Variants in REPS1 observed in about 807,000 individuals in gnomAD.
REPS1 encodes the protein ralBP1-associated Eps domain-containing protein 1.
REPS1 carries 39 observed loss-of-function variants against 100.9 expected under a neutral mutation model. That is an observed-to-expected ratio of 0.39 (90% CI 0.30 to 0.50). The LOEUF is 0.50. REPS1 is among the 20% of genes least tolerant of loss of function. REPS1 has a pLI of 0.86. For missense variants in REPS1, 821 were observed against 968.5 expected (o/e 0.85, Z 2.02); for synonymous variants, 324 against 340.3 (o/e 0.95, Z 0.53).
chr6:138,963,074 C>T (rs1240467699), intron 1 of REPS1, among the ~76,000 whole-genome samples: 1 of 152,122 alleles, frequency 6.6e-6, no homozygotes, highest in Non-Finnish European at 1.5e-5. Context: ...ATTGGGCTAT[C>T]CTACCTCTGG....
At chr6:138,942,786 G>A (rs144217316) in intron 7 of REPS1, among the ~76,000 whole-genome samples, 5 of 152,046 alleles carry the variant, frequency 3.3e-5, no homozygotes, top group South Asian at 2.1e-4. Flanking sequence ...ACAGAATCTC[G>A]TTCTGTCACC....
intron 1 of REPS1, among the ~76,000 whole-genome samples, chr6:138,969,116 T>A (rs558624123): frequency 6.6e-6 from 1 of 152,028 alleles, no homozygotes; most frequent in Non-Finnish European, 1.5e-5. Flanking sequence ...TATAGAAACA[T>A]CTCATCAAAA....
intron 16 of REPS1, 122 bp from the exon 17 acceptor site, chr6:138,911,493 T>C (rs1780001744): frequency 7.0e-6 from 5 of 718,380 alleles, no homozygotes; most frequent in Non-Finnish European, 1.1e-5. Flanking sequence ...GAGATGATGA[T>C]AAGAAACTTG....
intron 1 of REPS1, among the ~76,000 whole-genome samples, chr6:138,957,068 C>T (rs961135174): frequency 6.6e-6 from 1 of 151,352 alleles, no homozygotes; most frequent in African/African-American, 2.4e-5. Flanking sequence ...CTAGAAGGAC[C>T]AAATTTTTAT....
chr6:138,907,691 G>A, intron 18 of REPS1, 91 bp from the exon 19 acceptor site: 1 of 790,446 alleles, frequency 1.3e-6, no homozygotes. Context: ...CTAAACATGA[G>A]AAGCAAAAAG....
At chr6:138,905,449 G>A (rs965107790) in intron 19 of REPS1, among the ~76,000 whole-genome samples, 10 of 147,036 alleles carry the variant, frequency 6.8e-5, no homozygotes, top group East Asian at 2.0e-4. Context: ...CCGCCACCGC[G>A]CCCGGCTAAT....
At chr6:138,987,451 G>T in intron 1 of REPS1, 79 bp downstream of exon 1, 1 of 1,346,308 alleles carries the variant, frequency 7.4e-7, no homozygotes, top group Non-Finnish European at 9.8e-7. Flanking sequence ...GGGCCCCAAG[G>T]AATCGGCGCC....
chr6:138,944,142 C>T (rs1188898), intron 5 of REPS1, 127 bp from the exon 6 acceptor site: 667,828 of 806,936 alleles, frequency 0.83, 277,651 homozygotes, highest in African/African-American at 0.93. Flanking sequence ...TAAAACCACA[C>T]ATCTGTTACA....
chr6:138,958,598 T>C (rs781530579), intron 1 of REPS1, among the ~76,000 whole-genome samples: 10 of 152,168 alleles, frequency 6.6e-5, no homozygotes, highest in African/African-American at 1.2e-4. Context: ...CAAAAGCATA[T>C]AGATTTTTGA....
intron 19 of REPS1, among the ~76,000 whole-genome samples, chr6:138,907,060 A>G (rs150934291): frequency 2.4e-3 from 373 of 152,266 alleles, no homozygotes; most frequent in Non-Finnish European, 4.0e-3. Flanking sequence ...CAGCATTTCT[A>G]TTTAAGGCTT....
chr6:138,971,414 T>C (rs755162968), intron 1 of REPS1, among the ~76,000 whole-genome samples: 6 of 152,048 alleles, frequency 3.9e-5, no homozygotes, highest in Admixed American at 3.3e-4. Context: ...CTTGTGGGCC[T>C]CCACTTGCAG....
At chr6:138,935,188 G>A (rs1348791358) in intron 8 of REPS1, among the ~76,000 whole-genome samples, 4 of 152,058 alleles carry the variant, frequency 2.6e-5, no homozygotes, top group Non-Finnish European at 4.4e-5. Flanking sequence ...GGTCTATGTA[G>A]AAAACTAATT....
At chr6:138,939,138 G>A (rs1782060555) in intron 8 of REPS1, among the ~76,000 whole-genome samples, 1 of 152,078 alleles carries the variant, frequency 6.6e-6, no homozygotes, top group Non-Finnish European at 1.5e-5. Flanking sequence ...AAAATGATAA[G>A]TTATATTACA....
intron 2 of REPS1, among the ~76,000 whole-genome samples, chr6:138,946,367 G>T (rs1411203759): frequency 6.6e-6 from 1 of 152,138 alleles, no homozygotes; most frequent in Non-Finnish European, 1.5e-5. Context: ...AAAGATGAAG[G>T]ACTGAGAAAC....
chr6:138,924,549 ATGAG>A (rs1200264050), intron 10 of REPS1, among the ~76,000 whole-genome samples: 2 of 69,020 alleles, frequency 2.9e-5, no homozygotes, highest in African/African-American at 6.0e-5. Flanking sequence ...TCATAATACT[ATGAG>A]TGATTATTGT....
At chr6:138,910,766 A>G (rs928548791) in intron 17 of REPS1, among the ~76,000 whole-genome samples, 55 of 152,232 alleles carry the variant, frequency 3.6e-4, no homozygotes, top group Admixed American at 5.9e-4. Flanking sequence ...GATGGCATGG[A>G]GAGATATGTA....
At chr6:138,981,556 C>T (rs1784953010) in intron 1 of REPS1, among the ~76,000 whole-genome samples, 1 of 152,196 alleles carries the variant, frequency 6.6e-6, no homozygotes, top group Admixed American at 6.5e-5. Context: ...TATATCTCCT[C>T]TTTGTATTCC....
At position 138,969,269 on chromosome 6, in the gene REPS1, A is replaced by ATTTTTTTTTT. The variant is rs71013004; in HGVS notation, c.153+18251_153+18260dup. Among the ~76,000 whole-genome samples the ATTTTTTTTTT allele has an allele frequency of 8.1e-4, 60 of 74,240 alleles. 2 individuals carry two copies. The highest frequency in any genetic ancestry group is 1.8e-3 in the African/African-American group (37 of 20,888). The allele number at this position is 74,240 out of a possible 152,430, so 48.7% of individuals were successfully genotyped here. On this transcript the variant is annotated intron_variant, in intron 1 of 19. Transcript: ENST00000450536. Reference sequence around the variant, plus strand: ...ACACAATCTATGATACAAAGCTGTAATTTTTTTTTTTTTTTTTTTTTTTTT... The same window carrying ATTTTTTTTTT: ...ACACAATCTATGATACAAAGCTGTAATTTTTTTTTTTTTTTTTTTTTTTTTTTTTTTTTTT...
intron 1 of REPS1, among the ~76,000 whole-genome samples, chr6:138,953,873 C>T (rs1486774862): frequency 1.3e-5 from 2 of 152,090 alleles, no homozygotes; most frequent in Non-Finnish European, 2.9e-5. Flanking sequence ...ATTATTATAT[C>T]AGAGAGACAC....
Sources: allele counts gnomAD v4.1 joint callset (sites outside exome capture counted in the v4.1 genomes callset), GRCh38; gene constraint gnomAD v4.1.1; transcripts MANE v1.5; gene names NCBI Gene and HGNC (gene_info 2026-07-23, HGNC 2026-07-21).